The following SLC12A7 variants were observed in gnomAD, a reference collection of about 807,000 sequenced individuals.
SLC12A7 encodes K-Cl cotransporter 4.
Under a neutral mutation model 120.6 loss-of-function variants are expected in SLC12A7, and 100 were observed. The observed-to-expected ratio is 0.83, with a 90% CI of 0.71 to 0.98. The LOEUF is 0.98. Among genes scored for constraint, SLC12A7 ranks in the 50% least tolerant of loss-of-function variants. The probability of loss-of-function intolerance (pLI) is 0.00; values close to 1 mark genes in which losing one functional copy is unlikely to be tolerated. For missense variants in SLC12A7, 1,373 were observed against 1,548.1 expected (o/e 0.89, Z 1.90); for synonymous variants, 760 against 678.0 (o/e 1.12, Z -1.88).
At chr5:1,061,607 G>A (rs1229725015) in intron 20 of SLC12A7, among the ~76,000 whole-genome samples, 1 of 152,190 alleles carries the variant, frequency 6.6e-6, no homozygotes, top group Non-Finnish European at 1.5e-5. Flanking sequence ...CGCCGCACCC[G>A]GCTCATGGGA....
intron 14 of SLC12A7, 74 bp from the exon 15 acceptor site, chr5:1,075,564 C>A: frequency 6.5e-7 from 1 of 1,536,920 alleles, no homozygotes; most frequent in Admixed American, 2.0e-5. Flanking sequence ...ACCACACGGA[C>A]ACTGCCCCTC....
At chr5:1,096,860 G>GGAAA (rs1741296019) in intron 1 of SLC12A7, among the ~76,000 whole-genome samples, 1 of 111,502 alleles carries the variant, frequency 9.0e-6, no homozygotes, top group African/African-American at 3.4e-5. Context: ...GAGGGAGGGA[G>GGAAA]GGATGAAGGG....
chr5:1,106,244 G>A (rs913523099), intron 1 of SLC12A7, among the ~76,000 whole-genome samples: 1 of 152,226 alleles, frequency 6.6e-6, no homozygotes, highest in South Asian at 2.1e-4. Flanking sequence ...CTAGAGGCCA[G>A]GAGTTCAAAA....
chr5:1,067,871 CCCT>C (rs1189720512), intron 17 of SLC12A7, among the ~76,000 whole-genome samples: 12 of 152,152 alleles, frequency 7.9e-5, no homozygotes, highest in African/African-American at 2.7e-4. Flanking sequence ...GTGTCGGGGA[CCCT>C]GTTATCACAA....
rs867727444 is a variant in SLC12A7, at chr5:1,111,955, G to T, written c.37C>A (p.His13Asn). 7.7e-7 allele frequency: 1 copy of T among 1,296,032 alleles called. No individual in the cohort carries two copies. Among genetic ancestry groups the T allele is most frequent in the East Asian group, 3.0e-5 (1 of 33,246 alleles). The allele number at this position is 1,296,032 out of a possible 1,614,324, so 80.3% of individuals were successfully genotyped here. A position where few individuals can be genotyped will look rare whatever the true frequency, so the allele number is the denominator to read the frequency against. ...TNFTVVPVEA[H>N]ADGGGDETAE... is the part of the protein sequence containing the mutation. ...GTCTCGTCCCCGCCGCCGTCGGCGT[G>T]AGCCTCCACGGGCACCACGGTGAAG... Residue 13 changes from histidine to asparagine, a missense_variant, in exon 1 of 24, where the codon CAC (histidine) becomes AAC (asparagine). By Grantham distance (68) the His-to-Asn change is moderately conservative. Coordinates refer to ENST00000264930, the MANE Select transcript of SLC12A7 (RefSeq NM_006598.3).
the SLC12A7 span, among the ~76,000 whole-genome samples, chr5:1,140,324 G>A: frequency 4.6e-5 from 7 of 152,186 alleles, no homozygotes; most frequent in Non-Finnish European, 1.0e-4. Context: ...ATGGCCCCTC[G>A]GGTGAATCCT....
chr5:1,117,940 G>A, the SLC12A7 span, among the ~76,000 whole-genome samples: 1 of 152,188 alleles, frequency 6.6e-6, no homozygotes, highest in African/African-American at 2.4e-5. The surrounding 1 kb of genome is among the most constrained non-coding windows in gnomAD (Gnocchi z 4.5). Context: ...GCCGGTCATG[G>A]TGGCAGGTGC....
the SLC12A7 span, among the ~76,000 whole-genome samples, chr5:1,154,441 CATAAT>C: frequency 1.6e-4 from 24 of 151,892 alleles, no homozygotes; most frequent in East Asian, 3.9e-3. Context: ...ACACACTACA[CATAAT>C]ATAGACACAC....
At chr5:1,101,744 G>C (rs1742039316) in intron 1 of SLC12A7, among the ~76,000 whole-genome samples, 1 of 152,176 alleles carries the variant, frequency 6.6e-6, no homozygotes, top group South Asian at 2.1e-4. Flanking sequence ...CTGGTCTGAT[G>C]CATGTCATGG....
intron 1 of SLC12A7, among the ~76,000 whole-genome samples, chr5:1,097,105 C>T (rs1336876973): frequency 3.3e-5 from 5 of 152,304 alleles, no homozygotes; most frequent in South Asian, 4.1e-4. Flanking sequence ...CTTGGGGCTC[C>T]GCTGCCCGGC....
the SLC12A7 span, among the ~76,000 whole-genome samples, chr5:1,151,180 C>T: frequency 1.3e-5 from 2 of 152,254 alleles, no homozygotes; most frequent in Non-Finnish European, 2.9e-5. The surrounding 1 kb of genome is among the most constrained non-coding windows in gnomAD (Gnocchi z 6.2). Context: ...GCAAAGGCGC[C>T]TTCTACCATG....
rs188330668 is a variant in SLC12A7, at chr5:1,079,146, C to T, written c.1396+252G>A. ...CGGCGGCACACCCCACACACCGCTG[C>T]GCATCACTGTCCACACGCGGCAGGG... is the stretch of plus-strand genomic sequence containing the variant. On this transcript the variant is annotated intron_variant, in intron 10 of 23. Coordinates refer to ENST00000264930, the MANE Select transcript of SLC12A7 (RefSeq NM_006598.3). Among the ~76,000 whole-genome samples the T allele has an allele frequency of 2.3e-4, 35 of 152,310 alleles. No individual in the cohort carries two copies. In the East Asian group the frequency reaches 6.0e-3, roughly 26 times the overall value.
In SLC12A7 at chr5:1,052,099, A is replaced by G; in HGVS notation, c.*261T>C. The G allele has an allele frequency of 1.8e-6, 1 of 545,412 alleles. No individual in the cohort carries two copies. The highest frequency in any genetic ancestry group is 3.3e-6 in the Non-Finnish European group (1 of 306,336). 33.8% of individuals were successfully genotyped at this position (545,412 alleles called of 1,614,324 possible). The stretch of plus-strand genomic sequence containing the variant: ...CCTGCGAGAAGATCTGGCCACGTCC[A>G]GGTCACTCCGGTAGCAGCGTCTGCC... On this transcript the variant is annotated 3_prime_UTR_variant, in exon 24 of 24. Coordinates refer to ENST00000264930, the MANE Select transcript of SLC12A7 (RefSeq NM_006598.3).
the SLC12A7 span, among the ~76,000 whole-genome samples, chr5:1,121,699 C>G: frequency 3.3e-4 from 50 of 152,274 alleles, no homozygotes; most frequent in East Asian, 9.6e-3. Flanking sequence ...CTGGAAGGAC[C>G]CTTCCCAGAT....
the SLC12A7 span, among the ~76,000 whole-genome samples, chr5:1,142,130 G>A: frequency 2.0e-5 from 3 of 150,906 alleles, no homozygotes; most frequent in African/African-American, 7.3e-5. Flanking sequence ...CAGTTCACCC[G>A]GCCACCCCTG....
intron 6 of SLC12A7, among the ~76,000 whole-genome samples, chr5:1,085,997 T>A (rs919014215): frequency 1.4e-4 from 21 of 152,138 alleles, no homozygotes; most frequent in African/African-American, 4.8e-4. Flanking sequence ...GAGACAGTGC[T>A]GCTCAGCTCC....
chr5:1,115,349 A>C (rs1435339377), upstream of SLC12A7, among the ~76,000 whole-genome samples: 2 of 152,214 alleles, frequency 1.3e-5, no homozygotes, highest in African/African-American at 4.8e-5. Context: ...GCCAGCTTCC[A>C]AGCCAGGAGG....
chr5:1,086,935 TG>T lies in SLC12A7; in HGVS notation c.642del (p.Met215CysfsTer11). On this transcript the variant is annotated frameshift_variant, in exon 6 of 24. Transcript: ENST00000264930. LOFTEE classifies it high-confidence loss of function. ...CFYLGTTFAG[A>X]MYILGTIEIF... ...ATCTCGATGGTCCCCAAAATATACA[TG>T]GCCCCTGCAAACGTCGTGCCCAGGT... 6.2e-7 allele frequency: 1 copy of T among 1,612,824 alleles called. No individual in the cohort carries two copies.
intron 21 of SLC12A7, 139 bp downstream of exon 21, chr5:1,060,205 G>A: frequency 3.0e-6 from 2 of 666,806 alleles, no homozygotes; most frequent in East Asian, 2.6e-5. Context: ...GCAGGCTGGG[G>A]GCTGAGCCTG....
Sources: gnomAD v4.1 joint callset for allele counts (sites outside exome capture counted in the v4.1 genomes callset) on GRCh38, gnomAD v4.1.1 for gene constraint, Gnocchi (gnomAD v3.1) non-coding constraint, MANE v1.5 for transcripts, NCBI Gene and HGNC (gene_info 2026-07-23, HGNC 2026-07-21) for gene names.